Variants in L3MBTL4 observed in about 807,000 individuals in gnomAD.
L3MBTL4 encodes the protein lethal(3)malignant brain tumor-like protein 4.
A neutral mutation model predicts 84.5 loss-of-function variants in L3MBTL4; 70 were observed. The ratio of observed to expected loss-of-function variants is 0.83; its 90% CI spans 0.68 to 1.01. The LOEUF (loss-of-function observed/expected upper bound fraction) is 1.01, where lower values mean the gene tolerates loss of function less well. Among genes scored for constraint, L3MBTL4 ranks in the 50% least tolerant of loss-of-function variants. The probability of loss-of-function intolerance (pLI) is 0.00; values close to 1 mark genes in which losing one functional copy is unlikely to be tolerated. For synonymous variants in L3MBTL4, 274 were observed against 259.8 expected, an observed-to-expected ratio of 1.05 and a Z score of -0.52; for missense variants, 715 against 754.8, an observed-to-expected ratio of 0.95 and a Z score of 0.62.
chr18:5,994,237 T>C (rs1037951134), intron 16 of L3MBTL4, among the ~76,000 whole-genome samples: 1 of 152,188 alleles, frequency 6.6e-6, no homozygotes, highest in Admixed American at 6.5e-5. Context: ...CGGCCAGGCA[T>C]CTGCTTTTTG....
chr18:6,104,830 A>G (rs1225547701), intron 14 of L3MBTL4, among the ~76,000 whole-genome samples: 3 of 152,226 alleles, frequency 2.0e-5, no homozygotes, highest in African/African-American at 7.2e-5. Context: ...TATATTCCAT[A>G]TTAAAGAAGT....
At chr18:6,184,127 C>G (rs1022523161) in intron 12 of L3MBTL4, among the ~76,000 whole-genome samples, 2 of 151,120 alleles carry the variant, frequency 1.3e-5, no homozygotes, top group Admixed American at 6.6e-5. Context: ...GTACACTATT[C>G]AAAGTCATGG....
intron 16 of L3MBTL4, among the ~76,000 whole-genome samples, chr18:6,068,061 C>A (rs1055206640): frequency 2.3e-4 from 35 of 152,194 alleles, no homozygotes; most frequent in African/African-American, 8.4e-4. Context: ...GTGGGGAAGA[C>A]TCTGTAGGAG....
intron 4 of L3MBTL4, among the ~76,000 whole-genome samples, chr18:6,292,921 C>T (rs189170233): frequency 1.3e-5 from 2 of 152,268 alleles, no homozygotes; most frequent in Non-Finnish European, 2.9e-5. Flanking sequence ...CCAATCAGGG[C>T]TTGCCAGTTC....
chr18:6,355,095 T>C (rs1222996061), intron 1 of L3MBTL4, among the ~76,000 whole-genome samples: 1 of 152,192 alleles, frequency 6.6e-6, no homozygotes, highest in Non-Finnish European at 1.5e-5. Context: ...TGGAGTACTA[T>C]TCAGCCATAA....
At chr18:6,193,177 G>A (rs1398514232) in intron 12 of L3MBTL4, among the ~76,000 whole-genome samples, 1 of 151,954 alleles carries the variant, frequency 6.6e-6, no homozygotes, top group Non-Finnish European at 1.5e-5. Flanking sequence ...AAGAGAGAAG[G>A]GCAAGGGACT....
chr18:6,295,093 G>A (rs2050032040), intron 4 of L3MBTL4, among the ~76,000 whole-genome samples: 1 of 151,970 alleles, frequency 6.6e-6, no homozygotes. Flanking sequence ...ACAACACAGT[G>A]AAACCCCATT....
chr18:6,186,046 CTT>C (rs1464030124), intron 12 of L3MBTL4, among the ~76,000 whole-genome samples: 2 of 146,238 alleles, frequency 1.4e-5, no homozygotes, highest in Non-Finnish European at 3.0e-5. Flanking sequence ...GAGTTCAGCT[CTT>C]GTTAACCAGG....
chr18:6,191,209 G>A (rs1247086432), intron 12 of L3MBTL4, among the ~76,000 whole-genome samples: 1 of 152,198 alleles, frequency 6.6e-6, no homozygotes, highest in Non-Finnish European at 1.5e-5. Flanking sequence ...GGTGGCTGGA[G>A]TGGAAGCTAG....
chr18:6,180,594 G>C (rs796444391), intron 12 of L3MBTL4, among the ~76,000 whole-genome samples: 4 of 152,178 alleles, frequency 2.6e-5, no homozygotes, highest in African/African-American at 9.6e-5. Context: ...TAATCACTAA[G>C]TTGGAAAATT....
In L3MBTL4 at chr18:6,093,459, T is replaced by C; in HGVS notation, c.1269A>G (p.Glu423=). The part of the protein sequence containing the change: ...KEATLHDRLR[E]QTQANLESDS... ...CTGATTCCAAATTTGCCTGTGTTTG[T>C]TCTCTCAAACGATCGTGAAGTGTTG... The change falls in exon 15 of 19, where the codon GAA becomes GAG. Residue 423 remains glutamate, a synonymous_variant. Coordinates refer to ENST00000317931, the MANE Select transcript of L3MBTL4 (RefSeq NM_001330559.2). The C allele has an allele frequency of 1.2e-6, 2 of 1,614,112 alleles. No homozygotes were observed. Among genetic ancestry groups the C allele is most frequent in the South Asian group, 1.1e-5 (1 of 91,068 alleles).
At chr18:6,232,477 G>T (rs1040767371) in intron 10 of L3MBTL4, among the ~76,000 whole-genome samples, 2 of 152,034 alleles carry the variant, frequency 1.3e-5, no homozygotes, top group Non-Finnish European at 2.9e-5. Context: ...TTCTTAAAAT[G>T]TTTGCTAGAA....
chr18:5,964,099 C>G (rs1288861499), intron 17 of L3MBTL4, among the ~76,000 whole-genome samples: 3 of 152,246 alleles, frequency 2.0e-5, no homozygotes, highest in Non-Finnish European at 1.5e-5. Context: ...GGAGGTGTCC[C>G]CCACAGTGCT....
intron 16 of L3MBTL4, among the ~76,000 whole-genome samples, chr18:5,972,902 T>C (rs77308839): frequency 1.1e-3 from 10 of 9,196 alleles, no homozygotes; most frequent in African/African-American, 3.3e-3. Context: ...GAGAATAGAA[T>C]AGAATAGAAT....
chr18:6,130,296 G>T (rs1052004924), intron 14 of L3MBTL4, among the ~76,000 whole-genome samples: 1 of 151,158 alleles, frequency 6.6e-6, no homozygotes. Context: ...GGGAACAGAC[G>T]TGAAAAGAAG....
chr18:6,016,489 T>C (rs2054986988), intron 16 of L3MBTL4, among the ~76,000 whole-genome samples: 1 of 152,158 alleles, frequency 6.6e-6, no homozygotes, highest in Non-Finnish European at 1.5e-5. Flanking sequence ...CAAATATTCT[T>C]CATAGGAATG....
rs572726932 is a variant in L3MBTL4, at chr18:6,040,169, AT to A, written c.1444+40711del. 3.4e-3 allele frequency among the ~76,000 whole-genome samples: 514 copies of A among 151,542 alleles called. 3 individuals carry two copies. The highest frequency in any genetic ancestry group is 0.011 in the African/African-American group (466 of 41,360). ...TGCAAGGTATTTTGAATTGTAGTTC[AT>A]TTTTTTTTCCTGTGCAAATAAATAA... is the stretch of plus-strand genomic sequence containing the variant. On this transcript the variant is annotated intron_variant, in intron 16 of 18. Coordinates refer to ENST00000317931, the MANE Select transcript of L3MBTL4 (RefSeq NM_001330559.2).
intron 17 of L3MBTL4, among the ~76,000 whole-genome samples, chr18:5,967,834 A>G (rs1005112637): frequency 2.0e-5 from 3 of 152,190 alleles, no homozygotes; most frequent in Non-Finnish European, 4.4e-5. Flanking sequence ...GCAGGAGGGG[A>G]CGGCAAGAAT....
intron 1 of L3MBTL4, among the ~76,000 whole-genome samples, chr18:6,393,388 A>G (rs2144553014): frequency 6.6e-6 from 1 of 152,314 alleles, no homozygotes; most frequent in Admixed American, 6.5e-5. Flanking sequence ...CACAGGGAGC[A>G]TGAGTGGTGA....
Sources: gnomAD v4.1 joint callset for allele counts (sites outside exome capture counted in the v4.1 genomes callset) on GRCh38, gnomAD v4.1.1 for gene constraint, MANE v1.5 for transcripts, NCBI Gene and HGNC (gene_info 2026-07-23, HGNC 2026-07-21) for gene names.